GPSM1: variants seen among roughly 807,000 people sequenced by gnomAD.
GPSM1 encodes G protein-signaling modulator 1.
Under a neutral mutation model 70.5 loss-of-function variants are expected in GPSM1, and 48 were observed. The observed-to-expected ratio is 0.68, with a 90% CI of 0.54 to 0.87. GPSM1 has a LOEUF of 0.87. Among genes scored for constraint, GPSM1 ranks in the 40% least tolerant of loss-of-function variants. The pLI is 0.00. For synonymous variants in GPSM1, 416 were observed against 430.1 expected, an observed-to-expected ratio of 0.97 and a Z score of 0.41; for missense variants, 981 against 972.6, an observed-to-expected ratio of 1.01 and a Z score of -0.11.
chr9:136,346,158 C>A (rs1832517642), intron 9 of GPSM1, among the ~76,000 whole-genome samples: 2 of 152,222 alleles, frequency 1.3e-5, no homozygotes. Flanking sequence ...CCATCCCAGG[C>A]CCCTGGAGAG....
At chr9:136,329,758 G>A (rs1832058827) in intron 1 of GPSM1, among the ~76,000 whole-genome samples, 1 of 152,316 alleles carries the variant, frequency 6.6e-6, no homozygotes, top group African/African-American at 2.4e-5. Context: ...ATGTGCCCAT[G>A]AGCCCACTGG....
intron 1 of GPSM1, among the ~76,000 whole-genome samples, chr9:136,332,702 C>A (rs567623429): frequency 6.6e-6 from 1 of 152,154 alleles, no homozygotes; most frequent in Non-Finnish European, 1.5e-5. Flanking sequence ...GATGGCCATT[C>A]CCAGAGGGAT....
At chr9:136,347,322 T>A (rs1450020760) in intron 9 of GPSM1, among the ~76,000 whole-genome samples, 1 of 152,030 alleles carries the variant, frequency 6.6e-6, no homozygotes, top group Non-Finnish European at 1.5e-5. Flanking sequence ...GCCCTCGGAC[T>A]CACACTGGGT....
At chr9:136,351,954 A>AGTGGCCGG (rs71492119) in intron 11 of GPSM1, among the ~76,000 whole-genome samples, 90,205 of 151,390 alleles carry the variant, frequency 0.6, 26,924 homozygotes, top group Middle Eastern at 0.78. Flanking sequence ...CTGGGGCGTC[A>AGTGGCCGG]GTGGCCGGGT....
intron 11 of GPSM1, chr9:136,354,808 C>T: frequency 4.0e-6 from 4 of 988,992 alleles, no homozygotes; most frequent in Non-Finnish European, 4.8e-6. Flanking sequence ...CCGGTGAGGG[C>T]TGTGTAGGGC....
intron 9 of GPSM1, among the ~76,000 whole-genome samples, chr9:136,346,835 G>A (rs182655637): frequency 1.6e-4 from 25 of 152,316 alleles, no homozygotes; most frequent in Admixed American, 5.2e-4. Context: ...GGCTGTGTGT[G>A]GGGCCCAGTG....
chr9:136,338,494 T>G (rs1832305508), intron 6 of GPSM1, 61 bp from the exon 7 acceptor site: 2 of 1,520,216 alleles, frequency 1.3e-6, no homozygotes, highest in Admixed American at 1.9e-5. Context: ...TCCCCATTCT[T>G]ACCTTCCACC....
chr9:136,331,223 C>T (rs1017228547), intron 1 of GPSM1, among the ~76,000 whole-genome samples: 3 of 152,166 alleles, frequency 2.0e-5, no homozygotes, highest in African/African-American at 4.8e-5. Flanking sequence ...CCAAGCCCCA[C>T]GACCTGGGGA....
chr9:136,352,048 T>G (rs28430373), intron 11 of GPSM1, among the ~76,000 whole-genome samples: 1 of 126,258 alleles, frequency 7.9e-6, no homozygotes, highest in African/African-American at 3.0e-5. Context: ...GTGCAGCTGA[T>G]ACCAATACTG....
chr9:136,354,830 G>A, intron 11 of GPSM1: 1 of 997,158 alleles, frequency 1.0e-6, no homozygotes, highest in Non-Finnish European at 1.2e-6. Flanking sequence ...TGGACACAGG[G>A]AGCTCATGGC....
rs1474562971 is a variant in GPSM1 at position 136,327,729 on chromosome 9, C to T, written c.34C>T (p.Leu12Phe). 2.5e-6 allele frequency: 3 copies of T among 1,188,546 alleles called. No homozygotes were observed. The highest frequency in any genetic ancestry group is 3.8e-5 in the East Asian group (1 of 26,500). The allele number at this position is 1,188,546 out of a possible 1,614,324, so 73.6% of individuals were successfully genotyped here. A position where few individuals can be genotyped will look rare whatever the true frequency, so the allele number is the denominator to read the frequency against. Residue 12 changes from leucine to phenylalanine, a missense_variant, in exon 1 of 14, where the codon CTC becomes TTC. Leu to Phe is a conservative substitution (Grantham distance 22, BLOSUM62 0). Coordinates refer to ENST00000440944, the MANE Select transcript of GPSM1 (RefSeq NM_001145638.3). Reference sequence around the variant, plus strand: ...CCCGGCCCCGCCCGCGGCCGACGAGCTCCCGGGCCCGGCCGCCAGGCGCCT... The same window carrying T: ...CCCGGCCCCGCCCGCGGCCGACGAGTTCCCGGGCCCGGCCGCCAGGCGCCT... Reference protein sequence around the residue: ...AGPAPPAADELPGPAARRLYS... With the variant: ...AGPAPPAADEFPGPAARRLYS...
rs1832207268 is a variant in GPSM1 at position 136,335,355 on chromosome 9, G to A, written c.291-611G>A. On this transcript the variant is annotated intron_variant, in intron 2 of 13. Coordinates refer to ENST00000440944, the MANE Select transcript of GPSM1 (RefSeq NM_001145638.3). The stretch of plus-strand genomic sequence containing the variant: ...AACCTACTCCCCGCCGCCCCTTGGG[G>A]TCTTGGGGTCTCCAGTCGGGTCCAG... 2.0e-5 allele frequency among the ~76,000 whole-genome samples: 3 copies of A among 152,180 alleles called. No homozygotes were observed. In the South Asian group the frequency reaches 6.2e-4, roughly 31 times the overall value.
chr9:136,348,363 C>A (rs782012644), intron 9 of GPSM1, among the ~76,000 whole-genome samples: 7 of 152,188 alleles, frequency 4.6e-5, no homozygotes, highest in Non-Finnish European at 8.8e-5. Context: ...GTGATCCAGG[C>A]AGAGGGAACA....
rs1832797173 is a variant in GPSM1, at chr9:136,355,732, G to A, written c.1498G>A (p.Asp500Asn). Residue 500 changes from aspartate to asparagine, a missense_variant, in exon 12 of 14, where the codon GAC becomes AAC. Asp to Asn is a conservative substitution (Grantham distance 23). Coordinates refer to ENST00000440944, the MANE Select transcript of GPSM1 (RefSeq NM_001145638.3). ...GTCTTCGGACGAGGAGTGCTTCTTT[G>A]ACCTGTTGACCAAGTTCCAGAGCAG... is the stretch of plus-strand genomic sequence containing the variant. ...APSSDEECFF[D>N]LLTKFQSSRM... The A allele has an allele frequency of 6.2e-7, 1 of 1,612,336 alleles. No homozygotes were observed. Among genetic ancestry groups the A allele is most frequent in the Non-Finnish European group, 8.5e-7 (1 of 1,179,582 alleles).
intron 1 of GPSM1, among the ~76,000 whole-genome samples, chr9:136,331,749 G>C (rs1359572521): frequency 6.6e-6 from 1 of 152,226 alleles, no homozygotes; most frequent in Non-Finnish European, 1.5e-5. Context: ...CACGTTGGAC[G>C]GGATTACCCC....
rs1162627621 is a variant in GPSM1 at position 136,343,009 on chromosome 9, C to G, written c.1207+2016C>G. ...CCGTTGATAAACACAAGGAGACTTA[C>G]GTGCGGCTGGAGGACAAAGAGCCTT... On this transcript the variant is annotated intron_variant, in intron 9 of 13. Transcript: ENST00000440944. This position sits in a 1 kb window ranked among gnomAD's most constrained non-coding sequence, Gnocchi z 6.0. 1.3e-5 allele frequency among the ~76,000 whole-genome samples: 2 copies of G among 152,106 alleles called. No homozygotes were observed. The highest frequency in any genetic ancestry group is 2.9e-5 in the Non-Finnish European group (2 of 67,992).
intron 4 of GPSM1, 68 bp downstream of exon 4, chr9:136,337,140 C>G (rs1832260685): frequency 7.2e-7 from 1 of 1,384,216 alleles, no homozygotes; most frequent in Non-Finnish European, 9.8e-7. Flanking sequence ...ACAGACACTT[C>G]CAGACCCCCG....
intron 1 of GPSM1, among the ~76,000 whole-genome samples, chr9:136,330,218 G>C (rs1029892092): frequency 1.3e-5 from 2 of 151,946 alleles, no homozygotes; most frequent in Admixed American, 1.3e-4. Flanking sequence ...CTGGGGCCGG[G>C]AAGGGGCAGC....
chr9:136,358,409 C>A lies in GPSM1; in HGVS notation c.*189C>A. The A allele has an allele frequency of 1.6e-6, 1 of 608,388 alleles. No individual in the cohort carries two copies. The highest frequency in any genetic ancestry group is 3.3e-5 in the Admixed American group (1 of 30,338). 37.7% of individuals were successfully genotyped at this position (608,388 alleles called of 1,614,324 possible). ...TGGGAGGGCGTGCTTCCATCCCGGG[C>A]TGGCCCCCATGGCCCTCAGCTTCCT... On this transcript the variant is annotated 3_prime_UTR_variant, in exon 14 of 14. Coordinates refer to ENST00000440944, the MANE Select transcript of GPSM1 (RefSeq NM_001145638.3).
Sources: gnomAD v4.1 joint callset for allele counts (sites outside exome capture counted in the v4.1 genomes callset) on GRCh38, gnomAD v4.1.1 for gene constraint, Gnocchi (gnomAD v3.1) non-coding constraint, MANE v1.5 for transcripts, NCBI Gene and HGNC (gene_info 2026-07-23, HGNC 2026-07-21) for gene names.